TRAPPC9: variants seen among roughly 807,000 people sequenced by gnomAD.
The protein encoded by TRAPPC9 is IKK2 binding protein.
In TRAPPC9, 83 loss-of-function variants were observed where a neutral mutation model predicts 124.0. The ratio of observed to expected loss-of-function variants is 0.67; its 90% CI spans 0.56 to 0.80. The LOEUF (loss-of-function observed/expected upper bound fraction) is 0.80. Among genes scored for constraint, TRAPPC9 ranks in the 30% least tolerant of loss-of-function variants. The pLI is 0.00. For missense variants in TRAPPC9, 1,302 were observed against 1,508.3 expected (o/e 0.86, Z 2.27); for synonymous variants, 638 against 617.5 (o/e 1.03, Z -0.49).
In TRAPPC9 at chr8:139,977,712, A is replaced by C. The variant is rs2131642139; in HGVS notation, c.2810+11014T>G. Reference sequence around the variant, plus strand: ...TCATTCATTTTTGAGATGGAGTCTCACTCTGTTGCCCAGGCTGGAGTGCAG... The same window carrying C: ...TCATTCATTTTTGAGATGGAGTCTCCCTCTGTTGCCCAGGCTGGAGTGCAG... On this transcript the variant is annotated intron_variant, in intron 19 of 22. Coordinates refer to ENST00000438773, the MANE Select transcript of TRAPPC9 (RefSeq NM_001160372.4). Among the ~76,000 whole-genome samples the C allele has an allele frequency of 1.4e-5, 2 of 145,676 alleles. 1 individual carries two copies. The highest frequency in any genetic ancestry group is 7.6e-3 in the Middle Eastern group (2 of 262).
intron 17 of TRAPPC9, among the ~76,000 whole-genome samples, chr8:140,130,963 G>C (rs933567353): frequency 6.6e-6 from 1 of 152,124 alleles, no homozygotes; most frequent in Non-Finnish European, 1.5e-5. Context: ...TGAGGTAACT[G>C]TCATTAATTC....
intron 9 of TRAPPC9, among the ~76,000 whole-genome samples, chr8:140,333,966 T>C (rs2066965434): frequency 6.6e-6 from 1 of 152,170 alleles, no homozygotes. Context: ...CAAGCACTAG[T>C]CCAAGCACTT....
chr8:140,218,382 G>A (rs1375607886), intron 17 of TRAPPC9, among the ~76,000 whole-genome samples: 3 of 152,078 alleles, frequency 2.0e-5, no homozygotes, highest in Non-Finnish European at 2.9e-5. Flanking sequence ...AAGTCATCAA[G>A]AACAACCATT....
At chr8:139,870,506 A>T (rs537737641) in intron 21 of TRAPPC9, among the ~76,000 whole-genome samples, 1 of 152,356 alleles carries the variant, frequency 6.6e-6, no homozygotes, top group East Asian at 1.9e-4. Context: ...ACAGCAAAAC[A>T]TTAGAAACAA....
At chr8:140,072,593 A>AAGG (rs139221264) in intron 17 of TRAPPC9, among the ~76,000 whole-genome samples, 12 of 141,242 alleles carry the variant, frequency 8.5e-5, no homozygotes, top group African/African-American at 1.9e-4. Context: ...AGGAGAAGGG[A>AAGG]AGGAGGAGGA....
intron 17 of TRAPPC9, among the ~76,000 whole-genome samples, chr8:140,214,286 T>G (rs1157100978): frequency 6.6e-6 from 1 of 152,120 alleles, no homozygotes; most frequent in Non-Finnish European, 1.5e-5. Context: ...GCTTTGCAGT[T>G]GGGGGAAGCC....
intron 20 of TRAPPC9, among the ~76,000 whole-genome samples, chr8:139,909,816 C>G (rs1002058820): frequency 6.6e-6 from 1 of 152,242 alleles, no homozygotes; most frequent in Non-Finnish European, 1.5e-5. Flanking sequence ...AGTCTGTGAA[C>G]CCCCTGAGCC....
At chr8:139,885,443 C>T (rs114192849) in intron 21 of TRAPPC9, among the ~76,000 whole-genome samples, 3,243 of 152,226 alleles carry the variant, frequency 0.021, 127 homozygotes, top group African/African-American at 0.071. Context: ...GTGGGGTGAA[C>T]GCAAGGGGTT....
chr8:140,357,677 C>A (rs1398904899), intron 9 of TRAPPC9, among the ~76,000 whole-genome samples: 1 of 152,134 alleles, frequency 6.6e-6, no homozygotes. Context: ...CTGCCCAAGC[C>A]GCCACTGAGC....
intron 17 of TRAPPC9, chr8:140,099,122 T>TCAGTGCGCAGCTGCAGGAGTGCCG (rs2060517836): frequency 1.3e-5 from 2 of 152,220 alleles, no homozygotes; most frequent in Admixed American, 6.5e-5. Context: ...CAGCTAGGTC[T>TCAGTGCGCAGCTGCAGGAGTGCCG]CAGTGCGCAG....
rs1016983708 is a variant in TRAPPC9, at chr8:139,730,041, T to C, written c.*1020A>G. On this transcript the variant is annotated 3_prime_UTR_variant, in exon 23 of 23. Transcript: ENST00000438773. ...GCCCTCAAGGGAGATGTGAGCCGTG[T>C]GCTTTCTCTCTCCGGTCCTCCCTGA... Among the ~76,000 whole-genome samples, 1 of 152,150 alleles carries C rather than the reference T, an allele frequency of 6.6e-6. No individual in the cohort carries two copies.
chr8:140,286,718 C>CA (rs1305327993), intron 13 of TRAPPC9, among the ~76,000 whole-genome samples: 11 of 152,150 alleles, frequency 7.2e-5, no homozygotes, highest in African/African-American at 2.4e-4. Context: ...TTCTGATTTG[C>CA]ATGTATTATA....
chr8:140,224,098 A>C (rs530618061), intron 16 of TRAPPC9, among the ~76,000 whole-genome samples: 2 of 152,308 alleles, frequency 1.3e-5, no homozygotes, highest in African/African-American at 4.8e-5. Flanking sequence ...CACTTAGAAG[A>C]AAATGGAGGT....
intron 7 of TRAPPC9, among the ~76,000 whole-genome samples, chr8:140,395,184 T>C (rs751392215): frequency 6.6e-5 from 10 of 152,208 alleles, no homozygotes; most frequent in Non-Finnish European, 1.0e-4. Context: ...GCGGTGGTGC[T>C]GTTTCCCTCA....
intron 17 of TRAPPC9, among the ~76,000 whole-genome samples, chr8:140,202,887 C>T (rs1305774352): frequency 1.3e-5 from 2 of 152,200 alleles, no homozygotes; most frequent in Non-Finnish European, 2.9e-5. Flanking sequence ...ACAAATTCTA[C>T]TTTAAGGGAA....
chr8:140,238,962 T>G (rs2063791191), intron 16 of TRAPPC9, among the ~76,000 whole-genome samples: 1 of 152,128 alleles, frequency 6.6e-6, no homozygotes, highest in Admixed American at 6.5e-5. Flanking sequence ...TGCCCAAGGC[T>G]AGGGTGGGCT....
chr8:140,156,010 C>G (rs541006733), intron 17 of TRAPPC9, among the ~76,000 whole-genome samples: 1 of 152,270 alleles, frequency 6.6e-6, no homozygotes, highest in African/African-American at 2.4e-5. Context: ...CTGGGGGGCC[C>G]GAGCTCCCTC....
Position 139,825,822 on chromosome 8 carries a change from T to G in TRAPPC9, c.3055+60057A>C, listed in dbSNP as rs1274843399. Among the ~76,000 whole-genome samples the G allele has an allele frequency of 2.7e-5, 4 of 150,880 alleles. No homozygotes were observed. The East Asian group carries it at 7.9e-4, about 30-fold the overall frequency. ...CCGTGAGACGATGGCCGGAGCTGAG[T>G]GTCAACGCCCAAGGATTTCCAGGGC... On this transcript the variant is annotated intron_variant, in intron 21 of 22. Coordinates refer to ENST00000438773, the MANE Select transcript of TRAPPC9 (RefSeq NM_001160372.4). This position sits in a 1 kb window ranked among gnomAD's most constrained non-coding sequence, Gnocchi z 4.6.
intron 20 of TRAPPC9, among the ~76,000 whole-genome samples, chr8:139,891,034 G>A (rs1441656298): frequency 3.9e-5 from 6 of 152,052 alleles, no homozygotes; most frequent in South Asian, 4.2e-4. Context: ...CTGAGTAAAC[G>A]GCAACCCACG....
Sources: allele counts gnomAD v4.1 joint callset (sites outside exome capture counted in the v4.1 genomes callset), GRCh38; gene constraint gnomAD v4.1.1; non-coding constraint Gnocchi (gnomAD v3.1); transcripts MANE v1.5; gene names NCBI Gene and HGNC (gene_info 2026-07-23, HGNC 2026-07-21).